TMEM181: variants seen among roughly 807,000 people sequenced by gnomAD.
TMEM181 encodes the protein transmembrane protein 181.
Under a neutral mutation model 71.9 loss-of-function variants are expected in TMEM181, and 39 were observed. That is an observed-to-expected ratio of 0.54 (90% CI 0.42 to 0.71). The LOEUF (loss-of-function observed/expected upper bound fraction) is 0.71, where lower values mean the gene tolerates loss of function less well. Ranked by LOEUF, TMEM181 falls within the 30% of genes least tolerant of loss-of-function variation. The pLI is 0.00. For synonymous variants in TMEM181, 245 were observed against 228.8 expected, an observed-to-expected ratio of 1.07 and a Z score of -0.64; for missense variants, 595 against 583.0, an observed-to-expected ratio of 1.02 and a Z score of -0.21.
rs186895725 is a variant in TMEM181 at position 158,583,593 on chromosome 6, G to A, written c.169-361G>A. Among the ~76,000 whole-genome samples the A allele has an allele frequency of 1.6e-3, 243 of 152,274 alleles. 1 individual carries two copies. Among genetic ancestry groups the A allele is most frequent in the African/African-American group, 5.7e-3 (235 of 41,550 alleles). On this transcript the variant is annotated intron_variant, in intron 3 of 16. Transcript: ENST00000684151. ...AGGTGGGCGGATCACCAGGTCAGGAGATCGAGACCATCCTGGCTAACACGG... is the reference window on the plus strand; with the variant it reads ...AGGTGGGCGGATCACCAGGTCAGGAAATCGAGACCATCCTGGCTAACACGG...
At chr6:158,601,514 A>T (rs185003916) in intron 6 of TMEM181, among the ~76,000 whole-genome samples, 2 of 152,268 alleles carry the variant, frequency 1.3e-5, no homozygotes, top group Admixed American at 1.3e-4. Context: ...TAATCCCAGC[A>T]CTTCGGGAGG....
intron 2 of TMEM181, among the ~76,000 whole-genome samples, chr6:158,578,492 G>C (rs929323086): frequency 1.9e-4 from 29 of 152,226 alleles, no homozygotes; most frequent in African/African-American, 6.7e-4. Flanking sequence ...AGAGACTAAT[G>C]CATTAAAACT....
chr6:158,572,964 C>T (rs1219297511), intron 1 of TMEM181, among the ~76,000 whole-genome samples: 1 of 151,644 alleles, frequency 6.6e-6, no homozygotes, highest in Admixed American at 6.6e-5. Flanking sequence ...GCTGGCAGTA[C>T]CTGGAGCTTC....
intron 10 of TMEM181, among the ~76,000 whole-genome samples, chr6:158,609,154 C>G (rs953636858): frequency 6.6e-6 from 1 of 151,760 alleles, no homozygotes; most frequent in African/African-American, 2.4e-5. Context: ...GTGAACTCAT[C>G]CAGAAAAGAA....
At chr6:158,551,154 G>C (rs1781711881) in intron 1 of TMEM181, among the ~76,000 whole-genome samples, 1 of 151,988 alleles carries the variant, frequency 6.6e-6, no homozygotes, top group Non-Finnish European at 1.5e-5. Context: ...TAGAGACGGG[G>C]TTTCACCATG....
At chr6:158,543,010 G>T (rs1224323013) in intron 1 of TMEM181, among the ~76,000 whole-genome samples, 1 of 151,520 alleles carries the variant, frequency 6.6e-6, no homozygotes, top group Admixed American at 6.6e-5. Context: ...CGAGTAGCTG[G>T]GACTACAGGT....
chr6:158,595,918 T>G (rs908613052), intron 6 of TMEM181, among the ~76,000 whole-genome samples: 1 of 152,070 alleles, frequency 6.6e-6, no homozygotes, highest in African/African-American at 2.4e-5. Context: ...TCCAATTCTT[T>G]TTATTTATTT....
chr6:158,542,103 C>T (rs538097397), intron 1 of TMEM181, among the ~76,000 whole-genome samples: 8 of 152,060 alleles, frequency 5.3e-5, no homozygotes, highest in African/African-American at 1.9e-4. Flanking sequence ...GATGGGGCTT[C>T]ATCATGATGC....
chr6:158,588,399 C>T (rs1783906694), intron 5 of TMEM181, among the ~76,000 whole-genome samples: 1 of 152,166 alleles, frequency 6.6e-6, no homozygotes, highest in Non-Finnish European at 1.5e-5. Flanking sequence ...TGTGTTAACC[C>T]CACTCCTTGT....
intron 10 of TMEM181, chr6:158,611,572 C>T: frequency 5.1e-6 from 2 of 391,406 alleles, no homozygotes; most frequent in South Asian, 2.1e-5. Context: ...GCTTCCTTTT[C>T]TAGAGAAGCT....
chr6:158,542,212 A>G (rs137871448), intron 1 of TMEM181, among the ~76,000 whole-genome samples: 1 of 152,168 alleles, frequency 6.6e-6, no homozygotes, highest in Non-Finnish European at 1.5e-5. Flanking sequence ...CGGCCTAGAT[A>G]TTCTTTTAAT....
rs1389887749 is a variant in TMEM181 at position 158,570,075 on chromosome 6, A to G, written c.9-3345A>G. Among the ~76,000 whole-genome samples, 9 of 152,164 alleles carry G rather than the reference A, an allele frequency of 5.9e-5. No individual in the cohort carries two copies. The East Asian group carries it at 1.5e-3, about 26-fold the overall frequency. ...TTGTGCTTTTAGCCTCTGCTTGGGT[A>G]GTTCTCGGAGCTCCATAGTCTTGGG... On this transcript the variant is annotated intron_variant, in intron 1 of 16. Coordinates refer to ENST00000684151, the MANE Select transcript of TMEM181 (RefSeq NM_001376852.1).
intron 10 of TMEM181, chr6:158,621,436 T>C: frequency 4.6e-6 from 1 of 219,746 alleles, no homozygotes; most frequent in Non-Finnish European, 1.0e-5. Flanking sequence ...CAGGATAACC[T>C]CGGCGAAGCA....
intron 10 of TMEM181, chr6:158,609,973 G>A (rs1583029495): frequency 4.4e-6 from 1 of 224,888 alleles, no homozygotes; most frequent in East Asian, 1.1e-4. Flanking sequence ...CCGACGTTGG[G>A]AAAGTACTTC....
chr6:158,609,215 T>G (rs917086186), intron 10 of TMEM181, among the ~76,000 whole-genome samples: 9 of 152,232 alleles, frequency 5.9e-5, no homozygotes, highest in South Asian at 2.1e-4. Context: ...CCCTTATTTT[T>G]GGGGGATTTG....
intron 6 of TMEM181, among the ~76,000 whole-genome samples, chr6:158,592,428 T>C (rs778213975): frequency 4.6e-5 from 7 of 152,102 alleles, no homozygotes; most frequent in African/African-American, 1.4e-4. Context: ...TAGGATTGCT[T>C]GAGCCCAGGA....
chr6:158,548,799 A>G (rs1428289546), intron 1 of TMEM181, among the ~76,000 whole-genome samples: 1 of 152,210 alleles, frequency 6.6e-6, no homozygotes, highest in African/African-American at 2.4e-5. Context: ...GTCATAGGAG[A>G]CAATGATGGA....
At chr6:158,552,184 G>A (rs1781742015) in intron 1 of TMEM181, among the ~76,000 whole-genome samples, 1 of 152,228 alleles carries the variant, frequency 6.6e-6, no homozygotes, top group Admixed American at 6.5e-5. Flanking sequence ...AGATAACACA[G>A]GAAGTTATCC....
At chr6:158,607,381 TA>T in intron 8 of TMEM181, 38 bp downstream of exon 8, 1 of 1,593,372 alleles carries the variant, frequency 6.3e-7, no homozygotes, top group South Asian at 1.1e-5. Flanking sequence ...CTTTTCCCTT[TA>T]AAATGTAAAG....
Sources: gnomAD v4.1 joint callset for allele counts (sites outside exome capture counted in the v4.1 genomes callset) on GRCh38, gnomAD v4.1.1 for gene constraint, MANE v1.5 for transcripts, NCBI Gene and HGNC (gene_info 2026-07-23, HGNC 2026-07-21) for gene names.